JADE3: variants seen among roughly 807,000 people sequenced by gnomAD.
JADE3 encodes the protein protein Jade-3.
Under a neutral mutation model 50.1 loss-of-function variants are expected in JADE3, and 2 were observed. The ratio of observed to expected loss-of-function variants is 0.04; its 90% confidence interval spans 0.02 to 0.13. JADE3 has a LOEUF of 0.13. JADE3 is among the 10% of genes least tolerant of loss of function. The probability of loss-of-function intolerance (pLI) is 1.00; values close to 1 mark genes in which losing one functional copy is unlikely to be tolerated. For missense variants in JADE3, 475 were observed against 634.4 expected, an observed-to-expected ratio of 0.75 and a Z score of 2.70; for synonymous variants, 218 against 232.9, an observed-to-expected ratio of 0.94 and a Z score of 0.58.
chrX:46,923,393 C>CTCTCTTTT (rs1556338199), intron 1 of JADE3, among the ~76,000 whole-genome samples: 1 of 11,525 alleles, frequency 8.7e-5, no homozygotes, highest in African/African-American at 2.0e-4. Flanking sequence ...CTCTCTCTCT[C>CTCTCTTTT]TTTTTTTTTT....
intron 4 of JADE3, among the ~76,000 whole-genome samples, chrX:47,014,964 GT>G (rs1556362550): frequency 8.9e-6 from 1 of 112,041 alleles, no homozygotes; most frequent in Non-Finnish European, 1.9e-5. Context: ...CAGTGATTAT[GT>G]ATTACTATGT....
At chrX:46,953,360 GA>G (rs1346131762) in intron 1 of JADE3, among the ~76,000 whole-genome samples, 2 of 111,321 alleles carry the variant, frequency 1.8e-5, no homozygotes, top group African/African-American at 6.5e-5. Flanking sequence ...AATACTGGAA[GA>G]AAAAAAGTGG....
At chrX:46,967,013 G>A (rs1049004028) in intron 1 of JADE3, among the ~76,000 whole-genome samples, 3 of 112,283 alleles carry the variant, frequency 2.7e-5, no homozygotes, top group Non-Finnish European at 5.6e-5. Flanking sequence ...GGTCAACTGT[G>A]TAGAAAGATA....
chrX:47,000,571 G>T (rs782512081), intron 4 of JADE3, among the ~76,000 whole-genome samples: 4 of 111,318 alleles, frequency 3.6e-5, no homozygotes, highest in Non-Finnish European at 7.5e-5. Context: ...TTAATTTTTT[G>T]AGATAGGGTC....
At chrX:46,932,148 G>C (rs1556340032) in intron 1 of JADE3, among the ~76,000 whole-genome samples, 2 of 112,241 alleles carry the variant, frequency 1.8e-5, no homozygotes, top group East Asian at 5.6e-4. Flanking sequence ...CCTGTTAATA[G>C]AAGTTACTTA....
intron 4 of JADE3, among the ~76,000 whole-genome samples, chrX:46,998,878 T>A (rs970978387): frequency 1.8e-5 from 2 of 110,024 alleles, no homozygotes; most frequent in African/African-American, 3.3e-5. Context: ...GTATTTGTTT[T>A]AATAGAGACA....
rs1237073777 is a variant in JADE3, at chrX:47,060,280, TAA to T, written c.*1204_*1205del. 1 of 108,834 alleles carries T rather than the reference TAA, an allele frequency of 9.2e-6. No individual in the cohort carries two copies. The highest frequency in any genetic ancestry group is 1.9e-5 in the Non-Finnish European group (1 of 52,375). The allele number at this position is 108,834 out of a possible 1,213,427, so 9.0% of individuals were successfully genotyped here. A position where few individuals can be genotyped will look rare whatever the true frequency, so the allele number is the denominator to read the frequency against. ...AAAACATGTCTGCTTCTCATTTAAATAAGAGAGAAATGATGCCGTTTTTTAAA... is the reference window on the plus strand; with the variant it reads ...AAAACATGTCTGCTTCTCATTTAAATGAGAGAAATGATGCCGTTTTTTAAA... On this transcript the variant is annotated 3_prime_UTR_variant, in exon 11 of 11. Transcript: ENST00000614628.
intron 4 of JADE3, among the ~76,000 whole-genome samples, chrX:47,010,026 T>C (rs782532356): frequency 9.0e-6 from 1 of 110,947 alleles, no homozygotes; most frequent in Non-Finnish European, 1.9e-5. Context: ...TGAAAGAGTT[T>C]AATGTAAGTA....
intron 4 of JADE3, among the ~76,000 whole-genome samples, chrX:47,003,068 T>A (rs1440359527): frequency 3.6e-5 from 4 of 112,046 alleles, no homozygotes; most frequent in African/African-American, 1.3e-4. Flanking sequence ...CAGGTGATTT[T>A]TTTTCTTCTT....
At chrX:47,033,547 CTG>C (rs1200382050) in intron 6 of JADE3, 72 bp from the exon 7 acceptor site, 3 of 827,730 alleles carry the variant, frequency 3.6e-6, no homozygotes, top group Non-Finnish European at 5.1e-6. Flanking sequence ...TACTCTGTGA[CTG>C]TGTATCAGAA....
At chrX:46,981,199 T>G (rs1236233250) in intron 1 of JADE3, among the ~76,000 whole-genome samples, 2 of 112,197 alleles carry the variant, frequency 1.8e-5, no homozygotes, top group African/African-American at 6.5e-5. Flanking sequence ...ATTTATGTAG[T>G]TTTAAGCCAC....
At chrX:47,044,791 G>T (rs782323321) in intron 8 of JADE3, among the ~76,000 whole-genome samples, 1 of 111,906 alleles carries the variant, frequency 8.9e-6, no homozygotes, top group African/African-American at 3.2e-5. Flanking sequence ...TGAAGTTGAA[G>T]TGTAGAGTTT....
At chrX:47,052,500 G>C (rs1929532344) in intron 8 of JADE3, among the ~76,000 whole-genome samples, 2 of 107,120 alleles carry the variant, frequency 1.9e-5, no homozygotes, top group Admixed American at 2.0e-4. Context: ...CAGGTGTGGT[G>C]GCAGGCACGT....
intron 1 of JADE3, among the ~76,000 whole-genome samples, chrX:46,977,550 A>C (rs1190026870): frequency 8.9e-6 from 1 of 112,404 alleles, no homozygotes; most frequent in Non-Finnish European, 1.9e-5. Context: ...AGTATTGTTA[A>C]CTATAGCACT....
intron 3 of JADE3, among the ~76,000 whole-genome samples, chrX:46,994,941 G>A (rs1427825046): frequency 1.8e-5 from 2 of 111,217 alleles, no homozygotes; most frequent in Admixed American, 9.5e-5. Context: ...AAGTTGAGAC[G>A]CAGAATTTGG....
At chrX:46,966,085 TTATTTTA>T (rs1927359096) in intron 1 of JADE3, among the ~76,000 whole-genome samples, 1 of 111,884 alleles carries the variant, frequency 8.9e-6, no homozygotes, top group Non-Finnish European at 1.9e-5. Flanking sequence ...ATTTGGAAGA[TTATTTTA>T]GAGGTTAACT....
intron 8 of JADE3, among the ~76,000 whole-genome samples, chrX:47,049,604 C>T (rs1021967881): frequency 9.2e-6 from 1 of 108,615 alleles, no homozygotes; most frequent in Admixed American, 9.9e-5. Flanking sequence ...CACCACCACA[C>T]CCAGCTAATT....
intron 1 of JADE3, among the ~76,000 whole-genome samples, chrX:46,956,549 C>T (rs1602384086): frequency 9.0e-6 from 1 of 110,629 alleles, no homozygotes; most frequent in East Asian, 2.8e-4. Flanking sequence ...ATTTTAGAGA[C>T]AGGGTTTCAC....
chrX:47,020,956 G>T (rs1928780645), intron 4 of JADE3, among the ~76,000 whole-genome samples: 1 of 110,372 alleles, frequency 9.1e-6, no homozygotes, highest in South Asian at 3.9e-4. Context: ...CTCTACAAAA[G>T]ATTTTAAAAC....
Sources: gnomAD v4.1 joint callset for allele counts (sites outside exome capture counted in the v4.1 genomes callset) on GRCh38, gnomAD v4.1.1 for gene constraint, MANE v1.5 for transcripts, NCBI Gene and HGNC (gene_info 2026-07-23, HGNC 2026-07-21) for gene names.